SNAP91: variants seen among roughly 807,000 people sequenced by gnomAD.
SNAP91 encodes clathrin coat assembly protein AP180.
Under a neutral mutation model 100.3 loss-of-function variants are expected in SNAP91, and 27 were observed. That is an observed-to-expected ratio of 0.27 (90% confidence interval 0.20 to 0.37). The LOEUF (loss-of-function observed/expected upper bound fraction) is 0.37. SNAP91 is among the 10% of genes least tolerant of loss of function. The pLI is 1.00. For synonymous variants in SNAP91, 404 were observed against 398.6 expected, an observed-to-expected ratio of 1.01 and a Z score of -0.16; for missense variants, 986 against 1,123.7, an observed-to-expected ratio of 0.88 and a Z score of 1.75.
intron 7 of SNAP91, among the ~76,000 whole-genome samples, chr6:83,651,002 C>G (rs1044661935): frequency 1.8e-4 from 28 of 152,246 alleles, no homozygotes; most frequent in African/African-American, 6.5e-4. Flanking sequence ...CTGTATCTTT[C>G]AAGGAGTTGG....
intron 2 of SNAP91, among the ~76,000 whole-genome samples, 184 bp downstream of exon 2, chr6:83,707,614 A>G (rs569004711): frequency 6.6e-6 from 1 of 151,972 alleles, no homozygotes; most frequent in East Asian, 1.9e-4. Flanking sequence ...AAAATGGCTC[A>G]CAAGACAAGG....
At position 83,708,825 on chromosome 6, in the gene SNAP91, G is replaced by C. The variant is rs2099416116; in HGVS notation, c.-31+20C>G. 1 of 152,074 alleles carries C rather than the reference G, an allele frequency of 6.6e-6. No homozygotes were observed. Among genetic ancestry groups the C allele is most frequent in the South Asian group, 2.1e-4 (1 of 4,840 alleles). 9.4% of individuals were successfully genotyped at this position (152,074 alleles called of 1,614,324 possible). A position where few individuals can be genotyped will look rare whatever the true frequency, so the allele number is the denominator to read the frequency against. Reference sequence around the variant, plus strand: ...GACCCTGGCGCGGGGAGGGGGCCGAGTACGGCCGCGGGTACTCACCCCGCC... The same window carrying C: ...GACCCTGGCGCGGGGAGGGGGCCGACTACGGCCGCGGGTACTCACCCCGCC... On this transcript the variant is annotated intron_variant, in intron 1 of 29. Transcript: ENST00000369694.
chr6:83,605,597 A>C, intron 14 of SNAP91, 88 bp downstream of exon 14: 1 of 1,497,748 alleles, frequency 6.7e-7, no homozygotes, highest in Non-Finnish European at 9.0e-7. Flanking sequence ...TTAGATAATC[A>C]AAAGGTAAAT....
intron 23 of SNAP91, among the ~76,000 whole-genome samples, chr6:83,581,556 C>A (rs1582185062): frequency 1.3e-5 from 2 of 152,170 alleles, no homozygotes; most frequent in East Asian, 3.8e-4. Flanking sequence ...TCTACCATAA[C>A]AACTACTATA....
intron 2 of SNAP91, among the ~76,000 whole-genome samples, chr6:83,692,298 TGAGGTCAA>T (rs2099141183): frequency 6.6e-6 from 1 of 152,166 alleles, no homozygotes; most frequent in Admixed American, 6.5e-5. Flanking sequence ...GTAGATCACT[TGAGGTCAA>T]GAGTTCAAGA....
In SNAP91 at chr6:83,679,503, A is replaced by T. The variant is rs554155237; in HGVS notation, c.131-13922T>A. 2.0e-5 allele frequency among the ~76,000 whole-genome samples: 3 copies of T among 151,990 alleles called. No individual in the cohort carries two copies. The South Asian group carries it at 6.2e-4, about 32-fold the overall frequency. On this transcript the variant is annotated intron_variant, in intron 2 of 29. Coordinates refer to ENST00000369694, the MANE Select transcript of SNAP91 (RefSeq NM_001242792.2). ...AAAGTCGACAGCAGCAGAAAGGCAAATTTTTCAGTAGGTCTACCCCTGAAG... is the reference window on the plus strand; with the variant it reads ...AAAGTCGACAGCAGCAGAAAGGCAATTTTTTCAGTAGGTCTACCCCTGAAG...
intron 10 of SNAP91, among the ~76,000 whole-genome samples, chr6:83,615,913 T>C (rs2096460110): frequency 6.6e-6 from 1 of 152,168 alleles, no homozygotes; most frequent in Non-Finnish European, 1.5e-5. Flanking sequence ...CCTACAGCCC[T>C]GAAATGATCA....
At chr6:83,592,810 C>T in intron 20 of SNAP91, 136 bp downstream of exon 20, 1 of 770,964 alleles carries the variant, frequency 1.3e-6, no homozygotes, top group Non-Finnish European at 2.1e-6. Context: ...TGATGATGGT[C>T]CCAAGAGTGA....
chr6:83,568,302 A>C (rs901734507), intron 26 of SNAP91, among the ~76,000 whole-genome samples: 1 of 152,000 alleles, frequency 6.6e-6, no homozygotes, highest in African/African-American at 2.4e-5. Context: ...CAATGAGAAC[A>C]CTTGGACACA....
chr6:83,654,690 A>G (rs1337381848), intron 7 of SNAP91, among the ~76,000 whole-genome samples: 1 of 152,224 alleles, frequency 6.6e-6, no homozygotes, highest in Non-Finnish European at 1.5e-5. Context: ...CTGCAAAGAT[A>G]CGGGGGTAGA....
At chr6:83,640,620 AAAAC>A (rs1370707546) in intron 8 of SNAP91, among the ~76,000 whole-genome samples, 1 of 152,206 alleles carries the variant, frequency 6.6e-6, no homozygotes, top group African/African-American at 2.4e-5. Flanking sequence ...TAAACTTTAT[AAAAC>A]AAATTATGCT....
At position 83,574,535 on chromosome 6, in the gene SNAP91, T is replaced by C. The variant is rs150454663; in HGVS notation, c.2442+475A>G. On this transcript the variant is annotated intron_variant, in intron 26 of 29. Coordinates refer to ENST00000369694, the MANE Select transcript of SNAP91 (RefSeq NM_001242792.2). ...ATAAAAAACTGCCCAATCTTTCTGG[T>C]AGGAAAAAAAGTTATTACTTACTAA... is the stretch of plus-strand genomic sequence containing the variant. Among the ~76,000 whole-genome samples the C allele has an allele frequency of 2.2e-4, 33 of 152,116 alleles. No homozygotes were observed. In the East Asian group the frequency reaches 6.4e-3, roughly 29 times the overall value.
intron 2 of SNAP91, among the ~76,000 whole-genome samples, chr6:83,698,211 C>G (rs9449687): frequency 0.027 from 4,105 of 151,514 alleles, 186 homozygotes; most frequent in African/African-American, 0.092. Flanking sequence ...GGTTCCACAT[C>G]TAGCATACAG....
chr6:83,640,385 A>C (rs868402493), intron 8 of SNAP91, among the ~76,000 whole-genome samples: 3 of 152,306 alleles, frequency 2.0e-5, no homozygotes, highest in African/African-American at 7.2e-5. Flanking sequence ...ACAACATTCC[A>C]ATCAGTTCCT....
At chr6:83,591,889 C>T (rs952774543) in intron 21 of SNAP91, among the ~76,000 whole-genome samples, 1 of 152,182 alleles carries the variant, frequency 6.6e-6, no homozygotes, top group East Asian at 1.9e-4. Context: ...TAATTCAGTA[C>T]ATCTTCCTGC....
At chr6:83,635,364 C>A (rs1584949102) in intron 8 of SNAP91, among the ~76,000 whole-genome samples, 1 of 152,030 alleles carries the variant, frequency 6.6e-6, no homozygotes, top group African/African-American at 2.4e-5. Context: ...TCTTTTTCCC[C>A]CCTAATCTCT....
Position 83,580,493 on chromosome 6 carries a change from G to A in SNAP91, c.2256C>T (p.Ala752=), listed in dbSNP as rs375531558. 21 of 1,613,530 alleles carry A rather than the reference G, an allele frequency of 1.3e-5. No individual in the cohort carries two copies. Among genetic ancestry groups the A allele is most frequent in the Non-Finnish European group, 1.7e-5 (20 of 1,179,798 alleles). ...PPSPAMAASK[A]LGSDLDSSLA... ...GAGATGAATCAAGATCACTTCCAAG[G>A]GCTTTGCTGGCTGCCATTGCAGGAC... The change falls in exon 24 of 30, where the codon GCC becomes GCT. Residue 752 remains alanine (A), a synonymous_variant. Coordinates refer to ENST00000369694, the MANE Select transcript of SNAP91 (RefSeq NM_001242792.2).
Position 83,643,221 on chromosome 6 carries a change from T to C in SNAP91, c.659-2019A>G, listed in dbSNP as rs534781571. Among the ~76,000 whole-genome samples the C allele has an allele frequency of 4.3e-3, 648 of 152,346 alleles. 2 individuals are homozygous for C. The highest frequency in any genetic ancestry group is 7.1e-3 in the Non-Finnish European group (480 of 68,032). Reference sequence around the variant, plus strand: ...AGATCCCATTTGTCAATTTTGGCTTTTGTTGCCATTGCTTTTGGTGTTTTA... The same window carrying C: ...AGATCCCATTTGTCAATTTTGGCTTCTGTTGCCATTGCTTTTGGTGTTTTA... On this transcript the variant is annotated intron_variant, in intron 7 of 29. Coordinates refer to ENST00000369694, the MANE Select transcript of SNAP91 (RefSeq NM_001242792.2).
intron 8 of SNAP91, among the ~76,000 whole-genome samples, chr6:83,631,594 C>CT (rs948169604): frequency 1.3e-5 from 2 of 151,904 alleles, no homozygotes; most frequent in Admixed American, 6.6e-5. Flanking sequence ...ATATAATGTC[C>CT]TTTTTTTGTC....
Sources: gnomAD v4.1 joint callset for allele counts (sites outside exome capture counted in the v4.1 genomes callset) on GRCh38, gnomAD v4.1.1 for gene constraint, MANE v1.5 for transcripts, NCBI Gene and HGNC (gene_info 2026-07-23, HGNC 2026-07-21) for gene names.